PIEZO1: variants seen among roughly 807,000 people sequenced by gnomAD.
The protein encoded by PIEZO1 is piezo type mechanosensitive ion channel component 1 (Er blood group), also known as piezo-type mechanosensitive ion channel component 1.
PIEZO1 carries 296 observed loss-of-function variants against 297.2 expected under a neutral mutation model. The ratio of observed to expected loss-of-function variants is 1.00; its 90% CI spans 0.91 to 1.10. The LOEUF is 1.10. Among genes scored for constraint, PIEZO1 ranks in the 50% least tolerant of loss-of-function variants. The pLI is 0.00. For missense variants in PIEZO1, 5,018 were observed against 3,455.5 expected (o/e 1.45, Z -11.34); for synonymous variants, 2,427 against 1,507.5 (o/e 1.61, Z -14.13).
chr16:88,749,268 C>T, intron 2 of PIEZO1, 116 bp downstream of exon 2: 2 of 616,912 alleles, frequency 3.2e-6, no homozygotes, highest in South Asian at 4.9e-5. Flanking sequence ...TATTTCGGGA[C>T]CCCTCATCTT....
intron 1 of PIEZO1, among the ~76,000 whole-genome samples, chr16:88,758,713 C>G (rs1240800239): frequency 6.6e-6 from 1 of 152,222 alleles, no homozygotes; most frequent in Non-Finnish European, 1.5e-5. Context: ...TGGCCCTGAC[C>G]TCTCACAACT....
At chr16:88,756,544 G>T (rs1906664529) in intron 1 of PIEZO1, among the ~76,000 whole-genome samples, 2 of 151,808 alleles carry the variant, frequency 1.3e-5, no homozygotes, top group Non-Finnish European at 2.9e-5. Flanking sequence ...GCTCAAGCCC[G>T]CCATCTCATG....
intron 1 of PIEZO1, among the ~76,000 whole-genome samples, chr16:88,779,399 T>C (rs1437612148): frequency 2.0e-5 from 3 of 152,158 alleles, no homozygotes; most frequent in African/African-American, 7.2e-5. Flanking sequence ...ATCGCACTTT[T>C]CTTTCCCCGC....
At chr16:88,764,190 T>A (rs1597481888) in intron 1 of PIEZO1, among the ~76,000 whole-genome samples, 1 of 151,478 alleles carries the variant, frequency 6.6e-6, no homozygotes, top group Non-Finnish European at 1.5e-5. Context: ...TGGGGCGGGG[T>A]ACGAAAGGGG....
At chr16:88,780,899 G>A (rs1432184739) in intron 1 of PIEZO1, among the ~76,000 whole-genome samples, 1 of 152,234 alleles carries the variant, frequency 6.6e-6, no homozygotes, top group African/African-American at 2.4e-5. Flanking sequence ...TGAAGTTGTA[G>A]GGAGCCAAAA....
chr16:88,725,751 C>T (rs1904378368), intron 27 of PIEZO1, 67 bp from the exon 28 acceptor site: 2 of 840,386 alleles, frequency 2.4e-6, no homozygotes, highest in Non-Finnish European at 4.0e-6. Context: ...GCAGCCGCCG[C>T]TCCCCGCTCA....
intron 1 of PIEZO1, among the ~76,000 whole-genome samples, chr16:88,770,628 G>A (rs1411359708): frequency 1.3e-5 from 2 of 152,228 alleles, no homozygotes; most frequent in South Asian, 2.1e-4. Flanking sequence ...GGTCCTGGGT[G>A]GGGGTACTCT....
rs938556834 is a variant in PIEZO1, at chr16:88,738,779, T to C, written c.466-43A>G. 6.7e-6 allele frequency: 10 copies of C among 1,483,832 alleles called. No homozygotes were observed. In the African/African-American group the frequency reaches 1.2e-4, roughly 18 times the overall value. The allele number at this position is 1,483,832 out of a possible 1,614,324, so 91.9% of individuals were successfully genotyped here. A position where few individuals can be genotyped will look rare whatever the true frequency, so the allele number is the denominator to read the frequency against. On this transcript the variant is annotated intron_variant, in intron 5 of 50. Coordinates refer to ENST00000301015, the MANE Select transcript of PIEZO1 (RefSeq NM_001142864.4). ...AGGGGCAAGGTCAGGTGTATCGCAC[T>C]GACGCCACCTCTCCAGCCCACACCT...
In PIEZO1 at chr16:88,722,976, G is replaced by C. The variant is rs8055062; in HGVS notation, c.4529C>G (p.Thr1510Arg). Residue 1510 changes from threonine to arginine, a missense_variant, in exon 34 of 51, where the codon ACG (threonine) becomes AGG (arginine). Coordinates refer to ENST00000301015, the MANE Select transcript of PIEZO1 (RefSeq NM_001142864.4). ...CCCCAGCATCCACAGGAACTGCGCC[G>C]TGCTCAGCACCCTCTGCACCACATG... ...RSHVVQRVLS[T>R]AQFLWMLGQA... The C allele has an allele frequency of 6.5e-7, 1 of 1,548,474 alleles. No individual in the cohort carries two copies. The highest frequency in any genetic ancestry group is 8.7e-7 in the Non-Finnish European group (1 of 1,146,748).
At chr16:88,745,953 G>C (rs1400448275) in intron 2 of PIEZO1, among the ~76,000 whole-genome samples, 1 of 152,154 alleles carries the variant, frequency 6.6e-6, no homozygotes, top group Non-Finnish European at 1.5e-5. Context: ...CCTGATGCGT[G>C]GTCCATAGCC....
In PIEZO1 at chr16:88,726,568, T is replaced by A. The variant is rs1229679044; in HGVS notation, c.3775A>T (p.Thr1259Ser). ...TCACGGTCATAGTAGCCCTTGACGG[T>A]GCATACAAGGCTGAAGAGCTGGATG... ...WVIQLFSLVCTVKGYYDPKEM... is the reference protein window; with the variant it reads ...WVIQLFSLVCSVKGYYDPKEM... The change falls in exon 26 of 51, where the codon ACC (threonine) becomes TCC (serine). Residue 1259 changes from threonine (T) to serine (S), a missense_variant. Coordinates refer to ENST00000301015, the MANE Select transcript of PIEZO1 (RefSeq NM_001142864.4). The A allele has an allele frequency of 6.5e-7, 1 of 1,549,484 alleles. No homozygotes were observed. The highest frequency in any genetic ancestry group is 1.4e-5 in the African/African-American group (1 of 72,884).
At chr16:88,726,129 G>A (rs949891951) in intron 27 of PIEZO1, 155 bp downstream of exon 27, 4 of 637,430 alleles carry the variant, frequency 6.3e-6, no homozygotes, top group Admixed American at 3.0e-5. Flanking sequence ...CCGGGGATCT[G>A]CCGGCCTTCA....
chr16:88,730,992 C>T lies in PIEZO1; in HGVS notation c.3196+714G>A, dbSNP rs114231432. 9.1e-3 allele frequency among the ~76,000 whole-genome samples: 1,380 copies of T among 151,594 alleles called. 27 individuals carry two copies. Among genetic ancestry groups the T allele is most frequent in the African/African-American group, 0.032 (1,298 of 40,830 alleles). Reference sequence around the variant, plus strand: ...CCACTGTGGGGCAGGTGGGACGCCCCTGAGCCGGCCACGTGCACAAATGTG... The same window carrying T: ...CCACTGTGGGGCAGGTGGGACGCCCTTGAGCCGGCCACGTGCACAAATGTG... On this transcript the variant is annotated intron_variant, in intron 22 of 50. Coordinates refer to ENST00000301015, the MANE Select transcript of PIEZO1 (RefSeq NM_001142864.4).
In PIEZO1 at chr16:88,716,201, G is replaced by C. The variant is rs755943845; in HGVS notation, c.7126C>G (p.Pro2376Ala). The C allele has an allele frequency of 6.7e-6, 10 of 1,500,076 alleles. No individual in the cohort carries two copies. The highest frequency in any genetic ancestry group is 8.9e-6 in the Non-Finnish European group (10 of 1,119,098). 92.9% of individuals were successfully genotyped at this position (1,500,076 alleles called of 1,614,324 possible). A position where few individuals can be genotyped will look rare whatever the true frequency, so the allele number is the denominator to read the frequency against. Reference sequence around the variant, plus strand: ...CAACCCCCACGCCCATACTCACTGGGCTGCAGCTGCTTCACAGGGTTGGCT... The same window carrying C: ...CAACCCCCACGCCCATACTCACTGGCCTGCAGCTGCTTCACAGGGTTGGCT... Reference protein sequence around the residue: ...PEANPVKQLQPNEEADYLGVR... With the variant: ...PEANPVKQLQANEEADYLGVR... Residue 2376 changes from proline to alanine, a missense_variant, in exon 49 of 51, where the codon CCC becomes GCC. Coordinates refer to ENST00000301015, the MANE Select transcript of PIEZO1 (RefSeq NM_001142864.4).
intron 2 of PIEZO1, chr16:88,743,917 C>T (rs1042223097): frequency 3.3e-6 from 1 of 300,258 alleles, no homozygotes; most frequent in Non-Finnish European, 6.7e-6. Context: ...AATGGAAAAC[C>T]GTCCAGGAAG....
rs1904436241 is a variant in PIEZO1 at position 88,726,425 on chromosome 16, C to G, written c.3827G>C (p.Cys1276Ser). The change falls in exon 27 of 51, where the codon TGC (cysteine) becomes TCC (serine). Residue 1276 changes from cysteine to serine, a missense_variant. Cys to Ser is a moderately radical substitution (Grantham distance 112, BLOSUM62 -1). Transcript: ENST00000301015. ...PKEMMDRDQD[C>S]LLPVEEAGII... Reference sequence around the variant, plus strand: ...GCCAGCCTCCTCCACAGGCAGCAGGCAGTCCTGGTCTCTGTCCATCATCTC... The same window carrying G: ...GCCAGCCTCCTCCACAGGCAGCAGGGAGTCCTGGTCTCTGTCCATCATCTC... 6.4e-7 allele frequency: 1 copy of G among 1,550,486 alleles called. No homozygotes were observed. Among genetic ancestry groups the G allele is most frequent in the African/African-American group, 1.4e-5 (1 of 73,180 alleles).
At chr16:88,735,651 G>A (rs1597459256) in intron 12 of PIEZO1, among the ~76,000 whole-genome samples, 1 of 152,274 alleles carries the variant, frequency 6.6e-6, no homozygotes, top group Non-Finnish European at 1.5e-5. Context: ...CACAAGATGA[G>A]ACCCACTGGC....
At position 88,730,352 on chromosome 16, in the gene PIEZO1, CCTGTAATTTG is replaced by C. The variant is rs1170789605; in HGVS notation, c.3196+1344_3196+1353del. On this transcript the variant is annotated intron_variant, in intron 22 of 50. Coordinates refer to ENST00000301015, the MANE Select transcript of PIEZO1 (RefSeq NM_001142864.4). ...CACGCCTGTAATCCCAGGAGGGAGGCCTGTAATTTGGGAGGCGGGTGGATCACCTGAGGTC... is the reference window on the plus strand; with the variant it reads ...CACGCCTGTAATCCCAGGAGGGAGGCGGAGGCGGGTGGATCACCTGAGGTC... Among the ~76,000 whole-genome samples, 37 of 79,650 alleles carry C rather than the reference CCTGTAATTTG, an allele frequency of 4.6e-4. No homozygotes were observed. In the East Asian group the frequency reaches 0.01, roughly 22 times the overall value. 52.3% of individuals were successfully genotyped at this position (79,650 alleles called of 152,430 possible).
chr16:88,720,961 T>C (rs1360205409), intron 39 of PIEZO1, among the ~76,000 whole-genome samples: 1 of 152,178 alleles, frequency 6.6e-6, no homozygotes, highest in East Asian at 1.9e-4. Context: ...ACAGTCACCC[T>C]ACACGTGGGG....
Sources: gnomAD v4.1 joint callset for allele counts (sites outside exome capture counted in the v4.1 genomes callset) on GRCh38, gnomAD v4.1.1 for gene constraint, MANE v1.5 for transcripts, NCBI Gene and HGNC (gene_info 2026-07-23, HGNC 2026-07-21) for gene names.